FAAH2: variants seen among roughly 807,000 people sequenced by gnomAD.
FAAH2 encodes the protein fatty acid amide hydrolase 2.
In FAAH2, 60 loss-of-function variants were observed where a neutral mutation model predicts 36.9. The observed-to-expected ratio is 1.63, with a 90% CI of 1.32 to 2.02. FAAH2 has a LOEUF of 2.02. FAAH2 is among the 30% of genes most tolerant of loss of function. The pLI is 0.00. For missense variants in FAAH2, 689 were observed against 397.5 expected, an observed-to-expected ratio of 1.73 and a Z score of -6.23; for synonymous variants, 214 against 143.8, an observed-to-expected ratio of 1.49 and a Z score of -3.49.
chrX:57,242,444 A>G, the FAAH2 span, among the ~76,000 whole-genome samples: 1 of 112,320 alleles, frequency 8.9e-6, no homozygotes, highest in Non-Finnish European at 1.9e-5. Context: ...CCCATTTAAA[A>G]AAACCCATCC....
At chrX:57,158,814 G>A in the FAAH2 span, among the ~76,000 whole-genome samples, 2 of 111,642 alleles carry the variant, frequency 1.8e-5, no homozygotes, top group South Asian at 3.7e-4. Flanking sequence ...CTCTGATGGT[G>A]GTTTCTTTTG....
At chrX:57,299,376 G>A (rs1602195794) in intron 2 of FAAH2, among the ~76,000 whole-genome samples, 1 of 111,898 alleles carries the variant, frequency 8.9e-6, no homozygotes, top group East Asian at 2.8e-4. Context: ...CTCAATAGAT[G>A]CAGAAAAGGC....
intron 3 of FAAH2, among the ~76,000 whole-genome samples, chrX:57,330,986 G>A (rs1024058400): frequency 9.0e-6 from 1 of 110,702 alleles, no homozygotes; most frequent in Non-Finnish European, 1.9e-5. Context: ...GAAGCCAGCA[G>A]AATGAGGGGT....
chrX:57,366,030 G>A (rs539008290), intron 5 of FAAH2, among the ~76,000 whole-genome samples: 23 of 112,135 alleles, frequency 2.1e-4, no homozygotes, highest in African/African-American at 6.8e-4. Flanking sequence ...TAATTTCTAT[G>A]TGTGTAATTT....
intron 3 of FAAH2, among the ~76,000 whole-genome samples, chrX:57,316,038 A>G (rs2052827812): frequency 1.8e-5 from 2 of 111,831 alleles, no homozygotes; most frequent in Non-Finnish European, 3.8e-5. Context: ...AAACTGATAA[A>G]CAATTTTAGC....
chrX:57,337,452 A>G (rs778040045), intron 4 of FAAH2, among the ~76,000 whole-genome samples: 1 of 111,725 alleles, frequency 9.0e-6, no homozygotes, highest in Non-Finnish European at 1.9e-5. Context: ...AGAAAAAATA[A>G]AAATAGAAAA....
the FAAH2 span, among the ~76,000 whole-genome samples, chrX:57,140,814 A>G: frequency 9.0e-6 from 1 of 111,432 alleles, no homozygotes; most frequent in Admixed American, 9.6e-5. Context: ...AATAATAGAC[A>G]CTAGGATTTC....
the FAAH2 span, among the ~76,000 whole-genome samples, chrX:57,225,169 T>G: frequency 9.0e-6 from 1 of 111,701 alleles, no homozygotes; most frequent in Admixed American, 9.5e-5. Context: ...GGTTATGTTC[T>G]TTGTCTGCTG....
intron 4 of FAAH2, among the ~76,000 whole-genome samples, chrX:57,332,204 C>T (rs548384002): frequency 1.8e-5 from 2 of 112,388 alleles, no homozygotes; most frequent in Non-Finnish European, 3.8e-5. Context: ...GCTACATAGA[C>T]ATTTGAGACT....
the FAAH2 span, among the ~76,000 whole-genome samples, chrX:57,239,970 A>T: frequency 9.0e-6 from 1 of 111,057 alleles, no homozygotes; most frequent in African/African-American, 3.3e-5. Context: ...TTTTGTTTTG[A>T]CTTTCTCCTG....
At chrX:57,172,471 G>A in the FAAH2 span, among the ~76,000 whole-genome samples, 3 of 110,846 alleles carry the variant, frequency 2.7e-5, no homozygotes, top group Non-Finnish European at 5.7e-5. Context: ...CCCAGTGGGC[G>A]TGTGCTATCG....
chrX:57,309,799 T>A (rs1405416576), intron 2 of FAAH2, among the ~76,000 whole-genome samples: 1 of 112,177 alleles, frequency 8.9e-6, no homozygotes, highest in South Asian at 3.7e-4. Context: ...TTCTTTTTGA[T>A]GTACCACATT....
chrX:57,476,488 G>A (rs1353521317), intron 10 of FAAH2, among the ~76,000 whole-genome samples: 4 of 111,291 alleles, frequency 3.6e-5, no homozygotes, highest in African/African-American at 9.8e-5. Context: ...GATGGATTAC[G>A]TTTTGATTTT....
At chrX:57,310,760 T>C (rs368249987) in intron 3 of FAAH2, 31 bp downstream of exon 3, 6 of 1,161,249 alleles carry the variant, frequency 5.2e-6, no homozygotes, top group Non-Finnish European at 5.7e-6. Context: ...GCTACATGAG[T>C]TTAATTCACA....
chrX:57,301,491 T>C (rs1209275911), intron 2 of FAAH2, among the ~76,000 whole-genome samples: 1 of 104,983 alleles, frequency 9.5e-6, no homozygotes, highest in Non-Finnish European at 1.9e-5. Context: ...ATGGATAGCA[T>C]TAGGAGATAT....
At chrX:57,250,310 A>T in the FAAH2 span, among the ~76,000 whole-genome samples, 8 of 111,990 alleles carry the variant, frequency 7.1e-5, no homozygotes, top group Non-Finnish European at 1.1e-4. Context: ...AAAAAAATAA[A>T]TTAAGAAAAC....
intron 10 of FAAH2, among the ~76,000 whole-genome samples, chrX:57,482,037 T>A: frequency 9.0e-6 from 1 of 111,619 alleles, no homozygotes; most frequent in Non-Finnish European, 1.9e-5. Context: ...CTCAGTGCTT[T>A]CAGGGGAAAA....
chrX:57,351,911 A>G (rs962136509), intron 5 of FAAH2, among the ~76,000 whole-genome samples: 2 of 101,979 alleles, frequency 2.0e-5, no homozygotes, highest in Non-Finnish European at 4.0e-5. Context: ...TACCAATCAT[A>G]CTGATATTAT....
intron 2 of FAAH2, among the ~76,000 whole-genome samples, chrX:57,296,201 T>C (rs1017296083): frequency 1.8e-5 from 2 of 111,544 alleles, no homozygotes; most frequent in Admixed American, 9.5e-5. Context: ...GAGGCACCCC[T>C]CAGTAGGGCC....
Sources: allele counts gnomAD v4.1 joint callset (sites outside exome capture counted in the v4.1 genomes callset), GRCh38; gene constraint gnomAD v4.1.1; transcripts MANE v1.5; gene names NCBI Gene and HGNC (gene_info 2026-07-23, HGNC 2026-07-21).